The following SPOCK1 variants were observed in gnomAD, a reference collection of about 807,000 sequenced individuals.
SPOCK1 encodes the protein testican-1.
Under a neutral mutation model 55.3 loss-of-function variants are expected in SPOCK1, and 23 were observed. The observed-to-expected ratio is 0.42, with a 90% CI of 0.30 to 0.59. The LOEUF (loss-of-function observed/expected upper bound fraction) is 0.59. SPOCK1 is among the 20% of genes least tolerant of loss of function. The pLI is 0.22. For missense variants in SPOCK1, 499 were observed against 552.5 expected, an observed-to-expected ratio of 0.90 and a Z score of 0.97; for synonymous variants, 226 against 221.0, an observed-to-expected ratio of 1.02 and a Z score of -0.20.
intron 4 of SPOCK1, among the ~76,000 whole-genome samples, chr5:137,120,048 C>T (rs1167153255): frequency 1.3e-5 from 2 of 152,166 alleles, no homozygotes; most frequent in Non-Finnish European, 2.9e-5. Context: ...CCCATACCCA[C>T]AAGATAAGCC....
chr5:137,015,226 G>A lies in SPOCK1; in HGVS notation c.590-22626C>T, dbSNP rs567975772. Reference sequence around the variant, plus strand: ...GGAGGCCGAGGTGGGCAGATCACGAGGTCAGGAGATCGAGACCATCCTGGC... The same window carrying A: ...GGAGGCCGAGGTGGGCAGATCACGAAGTCAGGAGATCGAGACCATCCTGGC... On this transcript the variant is annotated intron_variant, in intron 6 of 10. Transcript: ENST00000394945. 5.1e-4 allele frequency among the ~76,000 whole-genome samples: 78 copies of A among 151,744 alleles called. 1 individual carries two copies. The highest frequency in any genetic ancestry group is 1.0e-3 in the Admixed American group (16 of 15,252).
At chr5:137,342,715 C>T (rs2127156754) in intron 2 of SPOCK1, among the ~76,000 whole-genome samples, 1 of 152,352 alleles carries the variant, frequency 6.6e-6, no homozygotes, top group East Asian at 1.9e-4. Flanking sequence ...ATGGAAGATG[C>T]TCAGTTATTC....
intron 4 of SPOCK1, among the ~76,000 whole-genome samples, chr5:137,138,706 C>G (rs961145111): frequency 6.7e-6 from 1 of 150,124 alleles, no homozygotes; most frequent in African/African-American, 2.4e-5. Context: ...TAATAACCCC[C>G]CCCCCCCAAA....
At chr5:137,082,783 T>A (rs1752896872) in intron 5 of SPOCK1, among the ~76,000 whole-genome samples, 1 of 152,180 alleles carries the variant, frequency 6.6e-6, no homozygotes, top group South Asian at 2.1e-4. Context: ...CAAGAGCTCA[T>A]TACATATTCA....
At chr5:137,427,799 C>G (rs919493572) in intron 2 of SPOCK1, among the ~76,000 whole-genome samples, 2 of 151,564 alleles carry the variant, frequency 1.3e-5, no homozygotes, top group African/African-American at 4.9e-5. Flanking sequence ...GTCCCAGCTA[C>G]TCGGTAGGCT....
intron 6 of SPOCK1, among the ~76,000 whole-genome samples, chr5:137,060,815 A>G (rs1050749479): frequency 8.5e-5 from 13 of 152,158 alleles, no homozygotes; most frequent in South Asian, 2.1e-4. Flanking sequence ...CTTGCTATCA[A>G]ATAGACTTCA....
chr5:137,434,033 A>G (rs1752804247), intron 2 of SPOCK1, among the ~76,000 whole-genome samples: 1 of 152,248 alleles, frequency 6.6e-6, no homozygotes, highest in Non-Finnish European at 1.5e-5. Flanking sequence ...AGTGACATTT[A>G]TAACACACAA....
At chr5:137,107,753 G>T (rs116486297) in intron 5 of SPOCK1, among the ~76,000 whole-genome samples, 1 of 152,252 alleles carries the variant, frequency 6.6e-6, no homozygotes, top group African/African-American at 2.4e-5. Flanking sequence ...CTTGTTTGAT[G>T]AAACCCAAGG....
intron 2 of SPOCK1, among the ~76,000 whole-genome samples, chr5:137,418,177 G>GCCA (rs1262383409): frequency 6.6e-6 from 1 of 151,984 alleles, no homozygotes; most frequent in Non-Finnish European, 1.5e-5. Context: ...GTGTATATGT[G>GCCA]CCACATTTTC....
intron 2 of SPOCK1, among the ~76,000 whole-genome samples, chr5:137,353,565 T>A (rs1750727278): frequency 6.6e-6 from 1 of 152,156 alleles, no homozygotes; most frequent in African/African-American, 2.4e-5. Flanking sequence ...TCTGCTCAGA[T>A]AACAGAGACC....
chr5:137,133,488 C>T (rs1753922925), intron 4 of SPOCK1, among the ~76,000 whole-genome samples: 1 of 152,108 alleles, frequency 6.6e-6, no homozygotes, highest in Admixed American at 6.5e-5. Flanking sequence ...AAAAATTCCA[C>T]ATAATTATTC....
At chr5:137,199,633 G>A (rs541321505) in intron 3 of SPOCK1, among the ~76,000 whole-genome samples, 19 of 151,930 alleles carry the variant, frequency 1.3e-4, no homozygotes, top group Non-Finnish European at 1.8e-4. Context: ...TCCCCCTTTC[G>A]AGCAATTTCC....
intron 2 of SPOCK1, among the ~76,000 whole-genome samples, chr5:137,400,901 A>G (rs1247677086): frequency 6.6e-6 from 1 of 152,230 alleles, no homozygotes; most frequent in Non-Finnish European, 1.5e-5. Context: ...CACTACCCAG[A>G]GGGCAGCTCT....
rs115764876 is a variant in SPOCK1 at position 137,227,429 on chromosome 5, T to C, written c.232+39581A>G. ...AATTTGAAAGCAAGAGCAGAATTGGTCACTGACTTAGGATTTAAAGTACAT... is the reference window on the plus strand; with the variant it reads ...AATTTGAAAGCAAGAGCAGAATTGGCCACTGACTTAGGATTTAAAGTACAT... On this transcript the variant is annotated intron_variant, in intron 3 of 10. Transcript: ENST00000394945. Among the ~76,000 whole-genome samples, 495 of 152,340 alleles carry C rather than the reference T, an allele frequency of 3.2e-3. 1 individual carries two copies. The highest frequency in any genetic ancestry group is 0.012 in the African/African-American group (487 of 41,580).
At chr5:137,078,999 T>C (rs1214905737) in intron 5 of SPOCK1, among the ~76,000 whole-genome samples, 1 of 152,196 alleles carries the variant, frequency 6.6e-6, no homozygotes, top group African/African-American at 2.4e-5. Flanking sequence ...TCCAAACACA[T>C]GCTTACTGTG....
intron 2 of SPOCK1, among the ~76,000 whole-genome samples, chr5:137,350,869 G>C (rs1750663722): frequency 1.3e-5 from 2 of 152,102 alleles, no homozygotes; most frequent in South Asian, 4.2e-4. Context: ...GGGCATGGAA[G>C]TACTACTATG....
chr5:137,060,826 G>A (rs955497188), intron 6 of SPOCK1, among the ~76,000 whole-genome samples: 1 of 152,166 alleles, frequency 6.6e-6, no homozygotes, highest in African/African-American at 2.4e-5. Context: ...ATAGACTTCA[G>A]AGGACCAGGA....
At chr5:137,068,685 G>T (rs554930644) in intron 5 of SPOCK1, among the ~76,000 whole-genome samples, 40 of 152,330 alleles carry the variant, frequency 2.6e-4, no homozygotes, top group Non-Finnish European at 4.7e-4. Flanking sequence ...CTCAGGTTAA[G>T]TAACTTGCAA....
intron 9 of SPOCK1, among the ~76,000 whole-genome samples, chr5:136,981,030 T>C (rs940561135): frequency 2.6e-5 from 4 of 152,158 alleles, no homozygotes; most frequent in African/African-American, 9.7e-5. Context: ...TTGTTATAAA[T>C]TGACTTATAG....
Sources: allele counts gnomAD v4.1 joint callset (sites outside exome capture counted in the v4.1 genomes callset), GRCh38; gene constraint gnomAD v4.1.1; transcripts MANE v1.5; gene names NCBI Gene and HGNC (gene_info 2026-07-23, HGNC 2026-07-21).